PCDH7: variants seen among roughly 807,000 people sequenced by gnomAD.
The protein encoded by PCDH7 is protocadherin-7.
In PCDH7, 17 loss-of-function variants were observed where a neutral mutation model predicts 58.9. The ratio of observed to expected loss-of-function variants is 0.29; its 90% CI spans 0.20 to 0.43. The LOEUF (loss-of-function observed/expected upper bound fraction) is 0.43. Among genes scored for constraint, PCDH7 ranks in the 20% least tolerant of loss-of-function variants. The probability of loss-of-function intolerance (pLI) is 1.00; values close to 1 mark genes in which losing one functional copy is unlikely to be tolerated. For missense variants in PCDH7, 1,274 were observed against 1,441.0 expected (o/e 0.88, Z 1.88); for synonymous variants, 664 against 616.4 (o/e 1.08, Z -1.14).
chr4:30,842,009 A>C (rs2109339105), intron 1 of PCDH7, among the ~76,000 whole-genome samples: 1 of 152,182 alleles, frequency 6.6e-6, no homozygotes, highest in East Asian at 1.9e-4. Context: ...TTTCAGAGAA[A>C]GTGGAAGGAA....
chr4:30,761,915 A>T (rs1720080188), intron 1 of PCDH7, among the ~76,000 whole-genome samples: 1 of 152,194 alleles, frequency 6.6e-6, no homozygotes, highest in Non-Finnish European at 1.5e-5. Flanking sequence ...AATTAGTTTG[A>T]TGTGACCTCA....
chr4:31,098,519 G>A (rs972600389), intron 3 of PCDH7, among the ~76,000 whole-genome samples: 3 of 152,148 alleles, frequency 2.0e-5, no homozygotes, highest in African/African-American at 7.2e-5. Flanking sequence ...GCTACAAATG[G>A]TGGGGAGAAC....
chr4:30,899,155 G>T (rs1739865012), intron 1 of PCDH7, among the ~76,000 whole-genome samples: 1 of 152,078 alleles, frequency 6.6e-6, no homozygotes, highest in East Asian at 1.9e-4. Flanking sequence ...AAAAAAAATT[G>T]AAAGTCACTG....
At chr4:31,062,374 T>C (rs2109239677) in intron 3 of PCDH7, among the ~76,000 whole-genome samples, 1 of 151,904 alleles carries the variant, frequency 6.6e-6, no homozygotes, top group East Asian at 1.9e-4. Context: ...CCAATATAGA[T>C]GCTAAGATTT....
At chr4:31,082,085 C>G (rs1378804714) in intron 3 of PCDH7, among the ~76,000 whole-genome samples, 1 of 152,142 alleles carries the variant, frequency 6.6e-6, no homozygotes, top group Non-Finnish European at 1.5e-5. Flanking sequence ...CATGCCTGGC[C>G]TTTTTAAAAA....
intron 3 of PCDH7, among the ~76,000 whole-genome samples, chr4:31,137,814 G>A (rs1336085854): frequency 1.3e-5 from 2 of 152,022 alleles, no homozygotes; most frequent in East Asian, 3.9e-4. Flanking sequence ...GATACATACA[G>A]TTTTACATAT....
At chr4:31,023,033 T>C (rs1374196943) in intron 3 of PCDH7, among the ~76,000 whole-genome samples, 3 of 152,032 alleles carry the variant, frequency 2.0e-5, no homozygotes, top group Non-Finnish European at 4.4e-5. Flanking sequence ...CGTTCATAGG[T>C]AAAGGAAATG....
chr4:30,755,301 T>G (rs1238627434), intron 1 of PCDH7, among the ~76,000 whole-genome samples: 2 of 152,236 alleles, frequency 1.3e-5, no homozygotes, highest in Admixed American at 1.3e-4. Context: ...CTCCCTTTCT[T>G]CCTCACAATT....
chr4:30,723,657 C>G lies in PCDH7; in HGVS notation c.2235C>G (p.Pro745=). The change falls in exon 1 of 2, where the codon CCC becomes CCG. Residue 745 remains proline, a synonymous_variant. Coordinates refer to ENST00000361762, the Ensembl canonical transcript of PCDH7. This position sits in a 1 kb window ranked among gnomAD's most constrained non-coding sequence, Gnocchi z 4.6. ...ACAATGCTCCCACAGTTACCCTTCC[C>G]AAAAACATTTCCTACACTTTACTGC... is the stretch of plus-strand genomic sequence containing the variant. 1 of 1,614,100 alleles carries G rather than the reference C, an allele frequency of 6.2e-7. No individual in the cohort carries two copies. Among genetic ancestry groups the G allele is most frequent in the Non-Finnish European group, 8.5e-7 (1 of 1,180,006 alleles).
chr4:30,844,832 G>A (rs930701342), intron 1 of PCDH7, among the ~76,000 whole-genome samples: 39 of 152,170 alleles, frequency 2.6e-4, no homozygotes, highest in African/African-American at 8.9e-4. Flanking sequence ...ACATTCCACA[G>A]GGTTAAAATC....
chr4:30,998,473 T>C (rs1752084886), intron 3 of PCDH7, among the ~76,000 whole-genome samples: 1 of 152,076 alleles, frequency 6.6e-6, no homozygotes, highest in African/African-American at 2.4e-5. Flanking sequence ...GCAGTACATG[T>C]GGGCAAAAAG....
intron 1 of PCDH7, among the ~76,000 whole-genome samples, chr4:30,891,779 T>C (rs1002327807): frequency 7.1e-6 from 1 of 141,620 alleles, no homozygotes; most frequent in Admixed American, 7.3e-5. Flanking sequence ...TTTTGTTTTT[T>C]TTTTTTCTCT....
intron 1 of PCDH7, among the ~76,000 whole-genome samples, chr4:30,758,201 A>G (rs1175737395): frequency 1.3e-5 from 2 of 152,212 alleles, no homozygotes; most frequent in African/African-American, 4.8e-5. Context: ...AACCATGTGA[A>G]TATTGAGCAT....
At chr4:30,767,299 G>A (rs1720878680) in intron 1 of PCDH7, among the ~76,000 whole-genome samples, 1 of 152,188 alleles carries the variant, frequency 6.6e-6, no homozygotes, top group Non-Finnish European at 1.5e-5. Context: ...GCGGTCTACA[G>A]TCATCCACTT....
chr4:31,137,673 G>A (rs781712190), intron 3 of PCDH7, among the ~76,000 whole-genome samples: 1 of 152,180 alleles, frequency 6.6e-6, no homozygotes, highest in Non-Finnish European at 1.5e-5. Context: ...TTAATCATAT[G>A]CCAGAGCTTG....
At chr4:30,753,183 A>C (rs1718798580) in intron 1 of PCDH7, among the ~76,000 whole-genome samples, 1 of 152,208 alleles carries the variant, frequency 6.6e-6, no homozygotes, top group Admixed American at 6.5e-5. Flanking sequence ...TATGAAAGAC[A>C]AGGTCAGAGT....
downstream of PCDH7, chr4:31,143,823 C>T (rs1026266375): frequency 1.3e-5 from 2 of 152,044 alleles, no homozygotes; most frequent in South Asian, 2.1e-4. Context: ...TTTATAGTGC[C>T]CAGGAAAATG....
At chr4:31,051,026 ATTTATCTATTTAAC>A (rs762467165) in intron 3 of PCDH7, among the ~76,000 whole-genome samples, 37 of 152,104 alleles carry the variant, frequency 2.4e-4, no homozygotes, top group Non-Finnish European at 3.4e-4. Context: ...TCACATAATT[ATTTATCTATTTAAC>A]TGACTAATTT....
chr4:30,811,373 C>G (rs4235010), intron 1 of PCDH7, among the ~76,000 whole-genome samples: 94,846 of 152,076 alleles, frequency 0.62, 31,330 homozygotes, highest in African/African-American at 0.86. Flanking sequence ...AGTTTAGGGA[C>G]GCCAAACATA....
Sources: gnomAD v4.1 joint callset for allele counts (sites outside exome capture counted in the v4.1 genomes callset) on GRCh38, gnomAD v4.1.1 for gene constraint, Gnocchi (gnomAD v3.1) non-coding constraint, MANE v1.5 for transcripts, NCBI Gene and HGNC (gene_info 2026-07-23, HGNC 2026-07-21) for gene names.